The following PROKR1 variants were observed in gnomAD, a reference collection of about 807,000 sequenced individuals.
PROKR1 encodes the protein G protein-coupled receptor 73.
Under a neutral mutation model 22.8 loss-of-function variants are expected in PROKR1, and 21 were observed. The ratio of observed to expected loss-of-function variants is 0.92; its 90% CI spans 0.65 to 1.32. The LOEUF (loss-of-function observed/expected upper bound fraction) is 1.32. Among genes scored for constraint, PROKR1 ranks in the 40% most tolerant of loss-of-function variants. The pLI, the probability that PROKR1 is intolerant of heterozygous loss-of-function variation, is 0.00. For missense variants in PROKR1, 548 were observed against 514.2 expected (o/e 1.07, Z -0.64); for synonymous variants, 193 against 207.5 (o/e 0.93, Z 0.60).
rs138173441 is a variant in PROKR1, at chr2:68,655,628, A to G, written c.*52A>G. 1 of 1,527,010 alleles carries G rather than the reference A, an allele frequency of 6.5e-7. No homozygotes were observed. The highest frequency in any genetic ancestry group is 9.0e-7 in the Non-Finnish European group (1 of 1,109,028). The allele number at this position is 1,527,010 out of a possible 1,614,324, so 94.6% of individuals were successfully genotyped here. On this transcript the variant is annotated 3_prime_UTR_variant, in exon 3 of 3. Coordinates refer to ENST00000303786, the MANE Select transcript of PROKR1 (RefSeq NM_138964.4). The stretch of plus-strand genomic sequence containing the variant: ...ACAAAGCAGGGTCCTGTGGACACTG[A>G]CTAGTGTGCTTGGATGCACATCAAC...
Position 68,655,473 on chromosome 2 carries a change from A to G in PROKR1, c.1079A>G (p.His360Arg). Residue 360 changes from histidine (H) to arginine (R), a missense_variant, in exon 3 of 3, where the codon CAC (histidine) becomes CGC (arginine). Transcript: ENST00000303786. ...TACTTCAAAAAGATCATGTTGCTCC[A>G]CTGGAAGGCTTCTTACAATGGCGGT... ...VKYFKKIMLLHWKASYNGGKS... is the reference protein window; with the variant it reads ...VKYFKKIMLLRWKASYNGGKS... 2 of 1,614,208 alleles carry G rather than the reference A, an allele frequency of 1.2e-6. No individual in the cohort carries two copies. Among genetic ancestry groups the G allele is most frequent in the East Asian group, 2.2e-5 (1 of 44,886 alleles).
chr2:68,654,264 C>T (rs1250642364), intron 2 of PROKR1, among the ~76,000 whole-genome samples: 2 of 152,114 alleles, frequency 1.3e-5, no homozygotes, highest in Non-Finnish European at 1.5e-5. Flanking sequence ...GGCTAGAAAC[C>T]GATGGGAGGA....
intron 1 of PROKR1, 103 bp from the exon 2 acceptor site, chr2:68,645,559 A>G (rs1673157164): frequency 1.8e-6 from 1 of 561,622 alleles, no homozygotes; most frequent in African/African-American, 1.9e-5. Flanking sequence ...CCCTATGTTC[A>G]CTCTGGGCAG....
intron 2 of PROKR1, among the ~76,000 whole-genome samples, chr2:68,646,586 T>G (rs1300911334): frequency 6.6e-6 from 1 of 152,216 alleles, no homozygotes; most frequent in Non-Finnish European, 1.5e-5. Context: ...ATTACACCTT[T>G]CAAGGTCTAG....
rs992694069 is a variant in PROKR1 at position 68,657,906 on chromosome 2, T to G, written c.*2330T>G. On this transcript the variant is annotated 3_prime_UTR_variant, in exon 3 of 3. Coordinates refer to ENST00000303786, the MANE Select transcript of PROKR1 (RefSeq NM_138964.4). ...AAATTAATTAAAATATTAGCCTAAA[T>G]CAAAAATGCATTGGAGGGCCATTTT... 1.3e-5 allele frequency: 2 copies of G among 152,178 alleles called. No homozygotes were observed. Among genetic ancestry groups the G allele is most frequent in the African/African-American group, 4.8e-5 (2 of 41,432 alleles). The allele number at this position is 152,178 out of a possible 1,614,324, so 9.4% of individuals were successfully genotyped here.
At chr2:68,646,619 T>C (rs933974566) in intron 2 of PROKR1, among the ~76,000 whole-genome samples, 3 of 152,210 alleles carry the variant, frequency 2.0e-5, no homozygotes, top group African/African-American at 4.8e-5. Flanking sequence ...AGAGGAGATA[T>C]CGAGGGAAAC....
At chr2:68,645,640 AC>A (rs1673158247) in intron 1 of PROKR1, 21 bp from the exon 2 acceptor site, 1 of 863,736 alleles carries the variant, frequency 1.2e-6, no homozygotes, top group Non-Finnish European at 1.8e-6. Flanking sequence ...CATATAGCCA[AC>A]TGTTTGTATG....
chr2:68,649,074 A>G (rs1338641707), intron 2 of PROKR1, among the ~76,000 whole-genome samples: 3 of 152,242 alleles, frequency 2.0e-5, no homozygotes, highest in Non-Finnish European at 4.4e-5. Flanking sequence ...CAGGTAAACT[A>G]ATGAACATTT....
chr2:68,648,936 C>T (rs1673247583), intron 2 of PROKR1, among the ~76,000 whole-genome samples: 1 of 152,086 alleles, frequency 6.6e-6, no homozygotes, highest in Non-Finnish European at 1.5e-5. Flanking sequence ...TATTGGGTTG[C>T]TTTGAGGATT....
Position 68,656,014 on chromosome 2 carries a change from G to T in PROKR1, c.*438G>T. ...TTCATGCCTAACATTTGCAAGGCTGGAGCAAGAATACGAAAGGGACTCTAG... is the reference window on the plus strand; with the variant it reads ...TTCATGCCTAACATTTGCAAGGCTGTAGCAAGAATACGAAAGGGACTCTAG... On this transcript the variant is annotated 3_prime_UTR_variant, in exon 3 of 3. Transcript: ENST00000303786. 3.7e-6 allele frequency: 1 copy of T among 267,040 alleles called. No individual in the cohort carries two copies. Among genetic ancestry groups the T allele is most frequent in the South Asian group, 4.2e-5 (1 of 24,060 alleles). 16.5% of individuals were successfully genotyped at this position (267,040 alleles called of 1,614,324 possible).
Position 68,657,132 on chromosome 2 carries a change from A to G in PROKR1, c.*1556A>G, listed in dbSNP as rs1001747667. 15 of 152,086 alleles carry G rather than the reference A, an allele frequency of 9.9e-5. No individual in the cohort carries two copies. Among genetic ancestry groups the G allele is most frequent in the African/African-American group, 3.6e-4 (15 of 41,422 alleles). 9.4% of individuals were successfully genotyped at this position (152,086 alleles called of 1,614,324 possible). ...GCCTCTCCGAGGGGACAAAGGTAAC[A>G]CCTTTGTCCTTCTGTGGTACCTTCT... is the stretch of plus-strand genomic sequence containing the variant. On this transcript the variant is annotated 3_prime_UTR_variant, in exon 3 of 3. Transcript: ENST00000303786.
At position 68,645,970 on chromosome 2, in the gene PROKR1, AG is replaced by A; in HGVS notation, c.151del (p.Asp51MetfsTer2). 1 of 1,614,242 alleles carries A rather than the reference AG, an allele frequency of 6.2e-7. No individual in the cohort carries two copies. Among genetic ancestry groups the A allele is most frequent in the Non-Finnish European group, 8.5e-7 (1 of 1,180,038 alleles). ...SDYDMPLDED[E>X]DVTNSRTFFA... ...TATGATATGCCTTTGGATGAAGATGAGGATGTGACCAATTCCAGGACGTTCT... is the reference window on the plus strand; with the variant it reads ...TATGATATGCCTTTGGATGAAGATGAGATGTGACCAATTCCAGGACGTTCT... On this transcript the variant is annotated frameshift_variant, in exon 2 of 3. Transcript: ENST00000303786. LOFTEE classifies it high-confidence loss of function.
chr2:68,646,340 G>A (rs1257985782), intron 2 of PROKR1, 34 bp downstream of exon 2: 1 of 1,613,292 alleles, frequency 6.2e-7, no homozygotes, highest in Admixed American at 1.7e-5. Flanking sequence ...AACAAAGGCG[G>A]TCAGGGAGGA....
Position 68,655,780 on chromosome 2 carries a change from T to G in PROKR1, c.*204T>G, listed in dbSNP as rs1673442270. The stretch of plus-strand genomic sequence containing the variant: ...TATCAACAGTGGCATTTGCTGAATG[T>G]CTAATTTACACGCCAGTAGGTACTG... On this transcript the variant is annotated 3_prime_UTR_variant, in exon 3 of 3. Transcript: ENST00000303786. The G allele has an allele frequency of 1.6e-6, 1 of 614,618 alleles. No individual in the cohort carries two copies. The highest frequency in any genetic ancestry group is 2.8e-5 in the East Asian group (1 of 35,918). 38.1% of individuals were successfully genotyped at this position (614,618 alleles called of 1,614,324 possible).
intron 2 of PROKR1, among the ~76,000 whole-genome samples, chr2:68,652,068 G>A (rs1428291773): frequency 6.6e-6 from 1 of 152,308 alleles, no homozygotes; most frequent in East Asian, 1.9e-4. Flanking sequence ...TTGGATGAAA[G>A]AAGAGGGGGT....
Position 68,655,337 on chromosome 2 carries a change from G to C in PROKR1, c.943G>C (p.Val315Leu), listed in dbSNP as rs1673425682. Reference protein sequence around the residue: ...IVRDFFPTVFVKEKHYLTAFY... With the variant: ...IVRDFFPTVFLKEKHYLTAFY... ...GCGCGACTTCTTCCCCACCGTGTTTGTGAAGGAGAAGCACTACCTCACTGC... is the reference window on the plus strand; with the variant it reads ...GCGCGACTTCTTCCCCACCGTGTTTCTGAAGGAGAAGCACTACCTCACTGC... The change falls in exon 3 of 3, where the codon GTG becomes CTG. Residue 315 changes from valine to leucine, a missense_variant. Transcript: ENST00000303786. 6.2e-7 allele frequency: 1 copy of C among 1,614,252 alleles called. No individual in the cohort carries two copies. Among genetic ancestry groups the C allele is most frequent in the Non-Finnish European group, 8.5e-7 (1 of 1,180,030 alleles).
At position 68,649,642 on chromosome 2, in the gene PROKR1, A is replaced by G. The variant is rs114675678; in HGVS notation, c.485+3336A>G. ...TCAGAAGCAAGAAATACTCTGAACA[A>G]AAGAAGTACACAGGTAAAATGTCGA... On this transcript the variant is annotated intron_variant, in intron 2 of 2. Coordinates refer to ENST00000303786, the MANE Select transcript of PROKR1 (RefSeq NM_138964.4). 1,244 of 152,342 alleles carry G rather than the reference A, an allele frequency of 8.2e-3. 11 individuals carry two copies. The highest frequency in any genetic ancestry group is 0.04 in the Middle Eastern group (12 of 298). The allele number at this position is 152,342 out of a possible 1,614,324, so 9.4% of individuals were successfully genotyped here.
rs998354602 is a variant in PROKR1 at position 68,655,901 on chromosome 2, T to G, written c.*325T>G. On this transcript the variant is annotated 3_prime_UTR_variant, in exon 3 of 3. Transcript: ENST00000303786. ...TGGTGTAGATAGAAATAAGGGAGTT[T>G]CCACAAAAGAACTGGAGTAGGTATC... The G allele has an allele frequency of 1.5e-5, 6 of 391,124 alleles. No homozygotes were observed. Among genetic ancestry groups the G allele is most frequent in the Admixed American group, 3.9e-5 (1 of 25,848 alleles). The allele number at this position is 391,124 out of a possible 1,614,324, so 24.2% of individuals were successfully genotyped here.
rs1345574331 is a variant in PROKR1 at position 68,643,858 on chromosome 2, G to C, written c.-161+10G>C. On this transcript the variant is annotated intron_variant, in intron 1 of 2. Transcript: ENST00000303786. ...CTCCGCGATGCCGCAGGTACAGAGC[G>C]CGCCCTCCCGGGGAGGATGCTCCAG... 1.3e-5 allele frequency: 2 copies of C among 152,328 alleles called. 1 individual carries two copies. Among genetic ancestry groups the C allele is most frequent in the South Asian group, 4.1e-4 (2 of 4,838 alleles). The allele number at this position is 152,328 out of a possible 1,614,324, so 9.4% of individuals were successfully genotyped here. A position where few individuals can be genotyped will look rare whatever the true frequency, so the allele number is the denominator to read the frequency against.
Sources: gnomAD v4.1 joint callset for allele counts (sites outside exome capture counted in the v4.1 genomes callset) on GRCh38, gnomAD v4.1.1 for gene constraint, MANE v1.5 for transcripts, NCBI Gene and HGNC (gene_info 2026-07-23, HGNC 2026-07-21) for gene names.